Variants in METTL8 observed in about 807,000 individuals in gnomAD.
METTL8 encodes methyltransferase 8, tRNA N3-cytidine, also known as tRNA N(3)-cytidine methyltransferase METTL8, mitochondrial.
Under a neutral mutation model 48.7 loss-of-function variants are expected in METTL8, and 32 were observed. That is an observed-to-expected ratio of 0.66 (90% CI 0.50 to 0.88). The LOEUF (loss-of-function observed/expected upper bound fraction) is 0.88. Ranked by LOEUF, METTL8 falls within the 40% of genes least tolerant of loss-of-function variation. The probability of loss-of-function intolerance (pLI) is 0.00; values close to 1 mark genes in which losing one functional copy is unlikely to be tolerated. For missense variants in METTL8, 464 were observed against 474.4 expected (o/e 0.98, Z 0.20); for synonymous variants, 136 against 157.1 (o/e 0.87, Z 1.01).
At chr2:171,324,997 C>T (rs1343243826) in intron 9 of METTL8, among the ~76,000 whole-genome samples, 1 of 132,000 alleles carries the variant, frequency 7.6e-6, no homozygotes, top group Non-Finnish European at 1.6e-5. Flanking sequence ...ACTTGGGAGG[C>T]TGTAATCCCA....
intron 4 of METTL8, among the ~76,000 whole-genome samples, chr2:171,338,195 G>T (rs1040767373): frequency 3.9e-5 from 6 of 152,130 alleles, no homozygotes. Context: ...TGTGAAAATA[G>T]ATAAGTAAAA....
rs189802267 is a variant in METTL8, at chr2:171,325,867, C to T, written c.1007G>A (p.Gly336Asp). The T allele has an allele frequency of 1.2e-3, 1,938 of 1,598,856 alleles. 8 individuals are homozygous for T. The highest frequency in any genetic ancestry group is 9.3e-4 in the Non-Finnish European group (1,083 of 1,170,324). Residue 336 changes from glycine to aspartate, a missense_variant, in exon 9 of 10, where the codon GGT (glycine) becomes GAT (aspartate). Transcript: ENST00000375258. ...LSENFYVRGD[G>D]TRAYFFTKGE... is the part of the protein sequence containing the mutation. The stretch of plus-strand genomic sequence containing the variant: ...TTTTGTAAAGAAATATGCTCTGGTA[C>T]CATCTCCTCGAACATAAAAATTTTC...
chr2:171,408,983 C>T (rs994042581), intron 1 of METTL8, among the ~76,000 whole-genome samples: 47 of 152,192 alleles, frequency 3.1e-4, no homozygotes, highest in Non-Finnish European at 1.3e-4. Flanking sequence ...GTGAATACCA[C>T]AGGATCAAGC....
At chr2:171,401,744 T>C (rs1478090897) in intron 1 of METTL8, among the ~76,000 whole-genome samples, 1 of 152,194 alleles carries the variant, frequency 6.6e-6, no homozygotes, top group East Asian at 1.9e-4. Context: ...CTTATTTACC[T>C]GGCATTTCAC....
At chr2:171,369,959 G>A (rs569997775) in intron 2 of METTL8, among the ~76,000 whole-genome samples, 35 of 151,976 alleles carry the variant, frequency 2.3e-4, no homozygotes, top group African/African-American at 7.0e-4. Flanking sequence ...CCAGCTACTC[G>A]GAAGGCTGAG....
chr2:171,411,423 C>A (rs990918476), intron 1 of METTL8, among the ~76,000 whole-genome samples: 1 of 150,564 alleles, frequency 6.6e-6, no homozygotes, highest in Admixed American at 6.6e-5. Context: ...GACATTACAA[C>A]ACACTGTCAA....
intron 2 of METTL8, among the ~76,000 whole-genome samples, chr2:171,371,448 C>T (rs958045235): frequency 2.0e-5 from 3 of 152,160 alleles, no homozygotes; most frequent in African/African-American, 7.2e-5. Context: ...CCTCCGCCTC[C>T]CAGGTTCAAG....
intron 3 of METTL8, among the ~76,000 whole-genome samples, chr2:171,344,550 T>G (rs1469183715): frequency 6.6e-6 from 1 of 152,180 alleles, no homozygotes; most frequent in African/African-American, 2.4e-5. Flanking sequence ...TACCCTTCAT[T>G]AAGACAGATC....
At chr2:171,402,805 T>C (rs190828395) in intron 1 of METTL8, among the ~76,000 whole-genome samples, 245 of 152,078 alleles carry the variant, frequency 1.6e-3, no homozygotes, top group Admixed American at 5.0e-3. Context: ...GAGCATCTTA[T>C]AGTGCCAGAA....
At chr2:171,380,906 T>A (rs939141142) in intron 2 of METTL8, among the ~76,000 whole-genome samples, 6 of 152,172 alleles carry the variant, frequency 3.9e-5, no homozygotes, top group South Asian at 2.1e-4. Context: ...TACTTTAAAT[T>A]TCATATGGAA....
chr2:171,337,536 A>G, intron 4 of METTL8, 34 bp from the exon 5 acceptor site: 1 of 1,567,020 alleles, frequency 6.4e-7, no homozygotes, highest in South Asian at 1.2e-5. Context: ...TATCAAAAAA[A>G]GCAAGGTTAA....
chr2:171,423,366 G>A (rs937437133), intron 1 of METTL8, among the ~76,000 whole-genome samples: 6 of 152,192 alleles, frequency 3.9e-5, no homozygotes, highest in African/African-American at 1.4e-4. Flanking sequence ...TGGGTAACAG[G>A]CAGAGGTTGG....
At chr2:171,380,053 A>G (rs2105526275) in intron 2 of METTL8, among the ~76,000 whole-genome samples, 1 of 152,116 alleles carries the variant, frequency 6.6e-6, no homozygotes, top group South Asian at 2.1e-4. Context: ...TTATCCACCA[A>G]TCAACTTGGC....
intron 7 of METTL8, among the ~76,000 whole-genome samples, chr2:171,326,844 C>A (rs189507513): frequency 7.2e-5 from 11 of 152,310 alleles, no homozygotes; most frequent in Middle Eastern, 3.4e-3. Context: ...CCCTGTCAAT[C>A]CTTCCTGCAT....
At position 171,344,358 on chromosome 2, in the gene METTL8, C is replaced by T. The variant is rs151060363; in HGVS notation, c.236-4804G>A. On this transcript the variant is annotated intron_variant, in intron 3 of 9. Coordinates refer to ENST00000375258, the MANE Select transcript of METTL8 (RefSeq NM_001321154.2). ...TAAGTCTGCTAAACTCTAAAGCCCA[C>T]GCTCTCACCCATTACACTACACTGC... 1.9e-3 allele frequency among the ~76,000 whole-genome samples: 295 copies of T among 152,270 alleles called. 7 individuals carry two copies. The East Asian group carries it at 0.029, about 15-fold the overall frequency.
intron 2 of METTL8, among the ~76,000 whole-genome samples, chr2:171,376,583 T>C (rs1686991181): frequency 6.6e-6 from 1 of 152,046 alleles, no homozygotes; most frequent in African/African-American, 2.4e-5. Flanking sequence ...ACTCAATAAC[T>C]CAATCCCTTT....
chr2:171,363,419 G>C (rs967579956), intron 2 of METTL8, among the ~76,000 whole-genome samples: 2 of 151,726 alleles, frequency 1.3e-5, no homozygotes, highest in African/African-American at 4.8e-5. Flanking sequence ...TACAACTATA[G>C]AATTTAAGCA....
intron 3 of METTL8, among the ~76,000 whole-genome samples, chr2:171,357,742 T>C (rs184942167): frequency 1.3e-5 from 2 of 152,130 alleles, no homozygotes; most frequent in Non-Finnish European, 2.9e-5. Context: ...TCACCCAGTC[T>C]GGAGTGCAGT....
chr2:171,332,826 T>A (rs902972359), intron 5 of METTL8: 1 of 152,060 alleles, frequency 6.6e-6, no homozygotes, highest in African/African-American at 2.4e-5. Flanking sequence ...GGAGGATGTA[T>A]TGTTAAGTGA....
Sources: allele counts gnomAD v4.1 joint callset (sites outside exome capture counted in the v4.1 genomes callset), GRCh38; gene constraint gnomAD v4.1.1; transcripts MANE v1.5; gene names NCBI Gene and HGNC (gene_info 2026-07-23, HGNC 2026-07-21).